EZH2: variants seen among roughly 807,000 people sequenced by gnomAD.
The protein encoded by EZH2 is histone-lysine N-methyltransferase EZH2.
Under a neutral mutation model 98.4 loss-of-function variants are expected in EZH2, and 18 were observed. That is an observed-to-expected ratio of 0.18 (90% CI 0.13 to 0.27). The LOEUF is 0.27. Ranked by LOEUF, EZH2 falls within the 10% of genes least tolerant of loss-of-function variation. The probability of loss-of-function intolerance (pLI) is 1.00; values close to 1 mark genes in which losing one functional copy is unlikely to be tolerated. For missense variants in EZH2, 470 were observed against 935.1 expected (o/e 0.50, Z 6.49); for synonymous variants, 338 against 312.3 (o/e 1.08, Z -0.87).
chr7:148,831,174 GGAC>G (rs147206866), intron 4 of EZH2, among the ~76,000 whole-genome samples: 2,470 of 152,156 alleles, frequency 0.016, 59 homozygotes, highest in African/African-American at 0.056. Context: ...AACAAATTTA[GGAC>G]AACTGGAGAG....
intron 1 of EZH2, among the ~76,000 whole-genome samples, chr7:148,867,341 T>C (rs928205752): frequency 6.6e-6 from 1 of 151,890 alleles, no homozygotes; most frequent in African/African-American, 2.4e-5. Flanking sequence ...AATAAATAAA[T>C]AAATAATTTT....
chr7:148,876,663 C>G (rs967040198), intron 1 of EZH2, among the ~76,000 whole-genome samples: 1 of 152,176 alleles, frequency 6.6e-6, no homozygotes, highest in African/African-American at 2.4e-5. Flanking sequence ...AATGCACATT[C>G]ATAAACTGGA....
chr7:148,870,639 C>T (rs1481102682), intron 1 of EZH2, among the ~76,000 whole-genome samples: 9 of 150,772 alleles, frequency 6.0e-5, no homozygotes, highest in Non-Finnish European at 1.3e-4. Flanking sequence ...GAGGTCAAGG[C>T]TGCAGTGAGC....
At chr7:148,836,592 A>G (rs2129480344) in intron 3 of EZH2, among the ~76,000 whole-genome samples, 2 of 152,330 alleles carry the variant, frequency 1.3e-5, no homozygotes, top group South Asian at 4.1e-4. Context: ...GGTCAGAGCC[A>G]TGTGTCCTGG....
intron 4 of EZH2, among the ~76,000 whole-genome samples, chr7:148,831,180 C>A (rs1172196939): frequency 2.6e-5 from 4 of 152,016 alleles, no homozygotes; most frequent in Non-Finnish European, 5.9e-5. Flanking sequence ...TTTAGGACAA[C>A]TGGAGAGTTC....
chr7:148,854,143 T>C lies in EZH2; in HGVS notation c.-7-6838A>G, dbSNP rs181706890. Among the ~76,000 whole-genome samples, 390 of 152,316 alleles carry C rather than the reference T, an allele frequency of 2.6e-3. 2 individuals carry two copies. The highest frequency in any genetic ancestry group is 8.8e-3 in the African/African-American group (364 of 41,574). The stretch of plus-strand genomic sequence containing the variant: ...CCCATAGGTATTGTCAGAGCCCTTA[T>C]TGCTTCTTTAAAAATTCTACCGGGA... On this transcript the variant is annotated intron_variant, in intron 1 of 19. Coordinates refer to ENST00000320356, the MANE Select transcript of EZH2 (RefSeq NM_004456.5).
At chr7:148,812,645 T>G (rs1257988530) in intron 15 of EZH2, among the ~76,000 whole-genome samples, 1 of 152,186 alleles carries the variant, frequency 6.6e-6, no homozygotes, top group Non-Finnish European at 1.5e-5. Context: ...CATGTCAGTA[T>G]GAATAGAATT....
intron 3 of EZH2, among the ~76,000 whole-genome samples, chr7:148,839,680 G>A (rs971427172): frequency 6.6e-6 from 1 of 151,968 alleles, no homozygotes; most frequent in Non-Finnish European, 1.5e-5. Context: ...AAGTAGCTGG[G>A]ACTACAGGCG....
At chr7:148,880,583 T>A (rs991847412) in intron 1 of EZH2, among the ~76,000 whole-genome samples, 1 of 152,218 alleles carries the variant, frequency 6.6e-6, no homozygotes, top group Non-Finnish European at 1.5e-5. Flanking sequence ...TGTTTAGTAC[T>A]ACAGATTATA....
At chr7:148,883,207 C>T (rs1197455228) in intron 1 of EZH2, 1 of 152,192 alleles carries the variant, frequency 6.6e-6, no homozygotes, top group African/African-American at 2.4e-5. Context: ...TAGGCGTTCA[C>T]CAAGTTTTCC....
rs777160626 is a variant in EZH2, at chr7:148,814,124, A to G, written c.1686T>C (p.Phe562=). The change falls in exon 15 of 20, where the codon TTT becomes TTC. Residue 562 remains phenylalanine, a synonymous_variant. Coordinates refer to ENST00000320356, the MANE Select transcript of EZH2 (RefSeq NM_004456.5). ...CQCSSECQNR[F]PGCRCKAQCN... ...ACTGTGCTTTGCAGCGGCATCCCGG[A>G]AAGCGGTTTTGACCTTCAGAGAGAG... The G allele has an allele frequency of 4.3e-6, 7 of 1,613,098 alleles. No individual in the cohort carries two copies. In the East Asian group the frequency reaches 1.3e-4, roughly 31 times the overall value.
rs1814379605 is a variant in EZH2, at chr7:148,847,178, A to G, written c.117+4T>C. On this transcript the variant is annotated splice_donor_region_variant and intron_variant, in intron 2 of 19. Transcript: ENST00000320356. Reference sequence around the variant, plus strand: ...ATTCATTTTCACAAAAGATAAAATTATACCTTTACTTCATCAGCTCGTCTG... The same window carrying G: ...ATTCATTTTCACAAAAGATAAAATTGTACCTTTACTTCATCAGCTCGTCTG... 6.9e-6 allele frequency: 11 copies of G among 1,603,508 alleles called. No individual in the cohort carries two copies. Among genetic ancestry groups the G allele is most frequent in the Non-Finnish European group, 9.3e-6 (11 of 1,177,288 alleles).
At chr7:148,813,475 T>C (rs575983954) in intron 15 of EZH2, among the ~76,000 whole-genome samples, 41 of 152,148 alleles carry the variant, frequency 2.7e-4, no homozygotes, top group Non-Finnish European at 5.0e-4. Context: ...TGGGTTTTTT[T>C]CAAGGTTATT....
At chr7:148,869,535 A>G (rs1819020856) in intron 1 of EZH2, among the ~76,000 whole-genome samples, 1 of 151,770 alleles carries the variant, frequency 6.6e-6, no homozygotes, top group Non-Finnish European at 1.5e-5. Context: ...ATGGGGCCTC[A>G]CTTTGTTGTC....
At chr7:148,808,274 C>T (rs1802054303) in intron 19 of EZH2, among the ~76,000 whole-genome samples, 1 of 152,228 alleles carries the variant, frequency 6.6e-6, no homozygotes, top group Non-Finnish European at 1.5e-5. Context: ...GTGAAGGCAG[C>T]GGCCTTTGCT....
chr7:148,844,949 T>C (rs1408815955), intron 3 of EZH2, among the ~76,000 whole-genome samples: 4 of 151,302 alleles, frequency 2.6e-5, no homozygotes, highest in African/African-American at 4.8e-5. Flanking sequence ...TCAGTTTCCT[T>C]GCCTGGATTA....
At position 148,881,397 on chromosome 7, in the gene EZH2, T is replaced by C. The variant is rs967370853; in HGVS notation, c.-8+2767A>G. ...GCCAACATAAAGATATTCACTTAAA[T>C]GTATTTGTGCAAGGCAAAGCTAGGT... On this transcript the variant is annotated intron_variant, in intron 1 of 19. Coordinates refer to ENST00000320356, the MANE Select transcript of EZH2 (RefSeq NM_004456.5). Among the ~76,000 whole-genome samples, 3 of 152,200 alleles carry C rather than the reference T, an allele frequency of 2.0e-5. No homozygotes were observed. The South Asian group carries it at 6.2e-4, about 31-fold the overall frequency.
intron 3 of EZH2, among the ~76,000 whole-genome samples, chr7:148,841,568 TGCTCAAAAGGTTCATGA>T (rs1812449662): frequency 6.6e-6 from 1 of 152,206 alleles, no homozygotes; most frequent in South Asian, 2.1e-4. Flanking sequence ...CTGCCATATT[TGCTCAAAAGGTTCATGA>T]GAATCTAAAC....
intron 1 of EZH2, among the ~76,000 whole-genome samples, chr7:148,867,262 G>A (rs1322415231): frequency 6.6e-6 from 1 of 151,980 alleles, no homozygotes; most frequent in African/African-American, 2.4e-5. Context: ...GGAGGCGGAG[G>A]TTGCAGTGGG....
Sources: allele counts gnomAD v4.1 joint callset (sites outside exome capture counted in the v4.1 genomes callset), GRCh38; gene constraint gnomAD v4.1.1; transcripts MANE v1.5; gene names NCBI Gene and HGNC (gene_info 2026-07-23, HGNC 2026-07-21).